Variants in PRKAR1B observed in about 807,000 individuals in gnomAD.
The protein encoded by PRKAR1B is protein kinase cAMP-dependent type I regulatory subunit beta.
Under a neutral mutation model 46.5 loss-of-function variants are expected in PRKAR1B, and 22 were observed. That is an observed-to-expected ratio of 0.47 (90% confidence interval 0.34 to 0.68). The LOEUF (loss-of-function observed/expected upper bound fraction) is 0.68. Among genes scored for constraint, PRKAR1B ranks in the 30% least tolerant of loss-of-function variants. The pLI is 0.01. For missense variants in PRKAR1B, 445 were observed against 535.6 expected, an observed-to-expected ratio of 0.83 and a Z score of 1.67; for synonymous variants, 259 against 217.7, an observed-to-expected ratio of 1.19 and a Z score of -1.67.
In PRKAR1B at chr7:551,280, A is replaced by C; in HGVS notation, c.973+109T>G. 4 of 1,050,054 alleles carry C rather than the reference A, an allele frequency of 3.8e-6. No homozygotes were observed. In the East Asian group the frequency reaches 1.0e-4, roughly 27 times the overall value. 65.0% of individuals were successfully genotyped at this position (1,050,054 alleles called of 1,614,324 possible). ...CACTGGGGCTCAGCCAAGCCCCACT[A>C]CAAGGCCCCAGGGAAGCCCCCCAGC... On this transcript the variant is annotated intron_variant, in intron 10 of 10. Coordinates refer to ENST00000537384, the MANE Select transcript of PRKAR1B (RefSeq NM_001164760.2).
intron 6 of PRKAR1B, among the ~76,000 whole-genome samples, chr7:605,637 T>G (rs1187846400): frequency 6.6e-6 from 1 of 152,120 alleles, no homozygotes; most frequent in African/African-American, 2.4e-5. Context: ...TCCAAAACAG[T>G]GGGAGCATCT....
At chr7:591,757 T>C (rs1780990812) in intron 7 of PRKAR1B, among the ~76,000 whole-genome samples, 1 of 151,956 alleles carries the variant, frequency 6.6e-6, no homozygotes, top group East Asian at 1.9e-4. Context: ...GCACTGTCAG[T>C]GGGGTGAAAT....
chr7:576,108 G>T (rs566775257), intron 9 of PRKAR1B, among the ~76,000 whole-genome samples: 1 of 122,762 alleles, frequency 8.1e-6, no homozygotes, highest in African/African-American at 3.3e-5. Context: ...CGCTGGCATA[G>T]TCTCCTCTGC....
intron 7 of PRKAR1B, 110 bp from the exon 8 acceptor site, chr7:584,678 C>T: frequency 1.1e-6 from 1 of 903,568 alleles, no homozygotes; most frequent in South Asian, 1.5e-5. Context: ...TGAGACCCTC[C>T]AAGCATTCCA....
At chr7:643,144 A>G (rs182842098) in intron 4 of PRKAR1B, among the ~76,000 whole-genome samples, 4 of 151,816 alleles carry the variant, frequency 2.6e-5, no homozygotes, top group Non-Finnish European at 4.4e-5. Flanking sequence ...ATTGCAAAAG[A>G]GAAAGACAAC....
At chr7:703,829 A>T (rs1780182274) in intron 2 of PRKAR1B, among the ~76,000 whole-genome samples, 2 of 152,060 alleles carry the variant, frequency 1.3e-5, no homozygotes, top group African/African-American at 4.8e-5. Context: ...CATAAACCAC[A>T]CCTTAACAAA....
intron 4 of PRKAR1B, among the ~76,000 whole-genome samples, chr7:659,669 C>G (rs1010207269): frequency 6.6e-6 from 1 of 152,192 alleles, no homozygotes; most frequent in African/African-American, 2.4e-5. Flanking sequence ...GCTGCTTCCT[C>G]CACAGCTCTG....
chr7:589,437 T>TTCC, intron 7 of PRKAR1B, among the ~76,000 whole-genome samples: 1 of 151,784 alleles, frequency 6.6e-6, no homozygotes, highest in African/African-American at 2.4e-5. Flanking sequence ...ACTGCCAAGA[T>TTCC]TCCTCCTCCT....
At chr7:715,207 G>A (rs1424150093) in intron 1 of PRKAR1B, among the ~76,000 whole-genome samples, 1 of 152,042 alleles carries the variant, frequency 6.6e-6, no homozygotes, top group South Asian at 2.1e-4. Flanking sequence ...TAAATACCTC[G>A]TACTACTGCC....
At chr7:635,038 C>T (rs933018060) in intron 4 of PRKAR1B, among the ~76,000 whole-genome samples, 63 of 152,340 alleles carry the variant, frequency 4.1e-4, no homozygotes, top group African/African-American at 1.3e-3. Flanking sequence ...AGCACAAATA[C>T]GTCCCAAAAT....
intron 4 of PRKAR1B, among the ~76,000 whole-genome samples, chr7:657,987 G>T (rs1337187143): frequency 6.6e-6 from 1 of 152,136 alleles, no homozygotes; most frequent in Non-Finnish European, 1.5e-5. Context: ...CCAATTAAAT[G>T]CAGAGAGAAA....
chr7:708,376 G>A (rs1780441693), intron 2 of PRKAR1B, among the ~76,000 whole-genome samples: 1 of 152,210 alleles, frequency 6.6e-6, no homozygotes, highest in African/African-American at 2.4e-5. Context: ...ATCCATGGGA[G>A]ATGGTTCTAG....
intron 4 of PRKAR1B, among the ~76,000 whole-genome samples, chr7:662,495 G>A (rs1785656915): frequency 1.1e-5 from 1 of 89,946 alleles, no homozygotes; most frequent in South Asian, 3.5e-4. Context: ...TCCCCCCCAT[G>A]CCACAGGTCC....
In PRKAR1B at chr7:572,270, CCA is replaced by C. The variant is rs1319872250; in HGVS notation, c.891+6984_891+6985del. On this transcript the variant is annotated intron_variant, in intron 9 of 10. Coordinates refer to ENST00000537384, the MANE Select transcript of PRKAR1B (RefSeq NM_001164760.2). ...ACAGGCCTGCGGAGGAGTGACCGCT[CCA>C]GTCTGCTGAGAATATTTTCCAACAG... Among the ~76,000 whole-genome samples, 3 of 152,324 alleles carry C rather than the reference CCA, an allele frequency of 2.0e-5. No individual in the cohort carries two copies. The East Asian group carries it at 5.8e-4, about 29-fold the overall frequency.
At chr7:702,955 T>G (rs1369761786) in intron 2 of PRKAR1B, among the ~76,000 whole-genome samples, 1 of 151,922 alleles carries the variant, frequency 6.6e-6, no homozygotes, top group African/African-American at 2.4e-5. Context: ...AAGTGGATAA[T>G]CTAAACACAC....
chr7:611,520 A>G (rs1782492099), intron 4 of PRKAR1B, among the ~76,000 whole-genome samples: 1 of 151,162 alleles, frequency 6.6e-6, no homozygotes, highest in Non-Finnish European at 1.5e-5. Flanking sequence ...CGCCCACACC[A>G]CTCCCGATCC....
chr7:671,372 G>C (rs946165882), intron 4 of PRKAR1B, among the ~76,000 whole-genome samples: 5 of 152,238 alleles, frequency 3.3e-5, no homozygotes, highest in Non-Finnish European at 7.3e-5. Flanking sequence ...GCCATGCAGA[G>C]GGACGGGTGA....
intron 4 of PRKAR1B, among the ~76,000 whole-genome samples, chr7:675,346 C>A (rs1337933901): frequency 1.3e-5 from 2 of 152,224 alleles, no homozygotes; most frequent in Non-Finnish European, 2.9e-5. Context: ...CACACGCCTG[C>A]AAACACACAG....
At chr7:709,180 A>ATTTC (rs1780488477) in intron 2 of PRKAR1B, among the ~76,000 whole-genome samples, 6 of 151,170 alleles carry the variant, frequency 4.0e-5, no homozygotes, top group Admixed American at 4.0e-4. Flanking sequence ...AAAGGTTGAA[A>ATTTC]AACCTTAGTA....
Sources: gnomAD v4.1 joint callset for allele counts (sites outside exome capture counted in the v4.1 genomes callset) on GRCh38, gnomAD v4.1.1 for gene constraint, MANE v1.5 for transcripts, NCBI Gene and HGNC (gene_info 2026-07-23, HGNC 2026-07-21) for gene names.